Variants in SYNE1 observed in about 807,000 individuals in gnomAD.
SYNE1 encodes spectrin repeat containing nuclear envelope protein 1.
Under a neutral mutation model 1,111.0 loss-of-function variants are expected in SYNE1, and 616 were observed. The observed-to-expected ratio is 0.55, with a 90% CI of 0.52 to 0.59. The LOEUF is 0.59. SYNE1 is among the 20% of genes least tolerant of loss of function. SYNE1 has a pLI of 0.00. For synonymous variants in SYNE1, 3,855 were observed against 3,825.8 expected (o/e 1.01, Z -0.28); for missense variants, 10,006 against 10,417.0 (o/e 0.96, Z 1.72).
intron 126 of SYNE1, among the ~76,000 whole-genome samples, chr6:152,203,445 C>T (rs565604698): frequency 8.6e-4 from 131 of 152,288 alleles, no homozygotes; most frequent in Non-Finnish European, 2.8e-4. Context: ...CTGCTCCCCA[C>T]TCATCTCCCC....
chr6:152,635,074 G>A (rs192596635), intron 2 of SYNE1, among the ~76,000 whole-genome samples: 10 of 152,356 alleles, frequency 6.6e-5, no homozygotes, highest in African/African-American at 1.9e-4. Flanking sequence ...GTGCAGCATA[G>A]TTATCAGAAA....
intron 67 of SYNE1, 107 bp downstream of exon 67, chr6:152,354,552 T>G (rs2096800663): frequency 7.5e-7 from 1 of 1,336,176 alleles, no homozygotes; most frequent in Non-Finnish European, 1.1e-6. Context: ...TCAAAAAGAT[T>G]TTGCAAAGCC....
At chr6:152,209,756 G>GA (rs112146398) in intron 124 of SYNE1, among the ~76,000 whole-genome samples, 1,603 of 130,200 alleles carry the variant, frequency 0.012, 18 homozygotes, top group Non-Finnish European at 0.018. Context: ...TCTCAAAAAA[G>GA]AAAAAAAAAA....
At chr6:152,424,778 A>ATTT (rs2098326296) in intron 39 of SYNE1, among the ~76,000 whole-genome samples, 8 of 152,242 alleles carry the variant, frequency 5.3e-5, no homozygotes, top group Non-Finnish European at 1.0e-4. Flanking sequence ...AAAGTCAATA[A>ATTT]ATATTTGCTG....
intron 3 of SYNE1, among the ~76,000 whole-genome samples, chr6:152,619,668 G>T (rs186235571): frequency 1.1e-3 from 160 of 152,234 alleles, no homozygotes; most frequent in Middle Eastern, 3.4e-3. Context: ...AATGTCAAGG[G>T]GTGAAAGTGG....
rs1284361257 is a variant in SYNE1, at chr6:152,302,071, A to G, written c.17347-8T>C. ...AATTTTCTGCGCCAGCTCCTGAGGA[A>G]ACATTTCCCCCACCGGGGTGTCAGA... On this transcript the variant is annotated splice_region_variant and splice_polypyrimidine_tract_variant and intron_variant, in intron 91 of 145. Transcript: ENST00000367255. 1.2e-6 allele frequency: 2 copies of G among 1,614,102 alleles called. No individual in the cohort carries two copies. The highest frequency in any genetic ancestry group is 2.2e-5 in the East Asian group (1 of 44,896).
In SYNE1 at chr6:152,125,397, T is replaced by C. The variant is rs755552760; in HGVS notation, c.26154-2721A>G. The C allele has an allele frequency of 2.0e-6, 3 of 1,527,436 alleles. No homozygotes were observed. In the African/African-American group the frequency reaches 4.1e-5, roughly 21 times the overall value. 94.6% of individuals were successfully genotyped at this position (1,527,436 alleles called of 1,614,324 possible). ...AGTATCCTGCAGATCATCAAATCCGTGTGTGGACGTGGGGACATTTTGTTT... is the reference window on the plus strand; with the variant it reads ...AGTATCCTGCAGATCATCAAATCCGCGTGTGGACGTGGGGACATTTTGTTT... On this transcript the variant is annotated intron_variant, in intron 145 of 145. Coordinates refer to ENST00000367255, the MANE Select transcript of SYNE1 (RefSeq NM_182961.4).
Position 152,390,318 on chromosome 6 carries a change from C to T in SYNE1, c.8139G>A (p.Val2713=). The change falls in exon 53 of 146, where the codon GTG becomes GTA. Residue 2713 remains valine, a synonymous_variant. Coordinates refer to ENST00000367255, the MANE Select transcript of SYNE1 (RefSeq NM_182961.4). ...IQTQLETLKE[V]WADIMSSSVH... is the part of the protein sequence containing the mutation. The stretch of plus-strand genomic sequence containing the variant: ...CGGAGGAGCTCATGATGTCAGCCCA[C>T]ACTTCTTTAAGGGTCTCTAACTGAG... 3 of 1,614,114 alleles carry T rather than the reference C, an allele frequency of 1.9e-6. No homozygotes were observed. The highest frequency in any genetic ancestry group is 2.7e-5 in the African/African-American group (2 of 75,032).
rs780451939 is a variant in SYNE1, at chr6:152,430,577, A to G, written c.4594T>C (p.Tyr1532His). ...IKAKLTQIRR[Y>H]GEELREHAQC... ...GCATGCTCTCGAAGCTCTTCCCCGTATCTTCTTATTTGTGTCAACTTGGCT... is the reference window on the plus strand; with the variant it reads ...GCATGCTCTCGAAGCTCTTCCCCGTGTCTTCTTATTTGTGTCAACTTGGCT... Residue 1532 changes from tyrosine (Y) to histidine (H), a missense_variant, in exon 35 of 146, where the codon TAC (tyrosine) becomes CAC (histidine). Around this residue, in one of 7 missense-constraint regions of SYNE1, gnomAD observed 1,971 missense variants for 2,084.1 expected, o/e 0.95. Coordinates refer to ENST00000367255, the MANE Select transcript of SYNE1 (RefSeq NM_182961.4). 5.6e-6 allele frequency: 9 copies of G among 1,614,098 alleles called. No homozygotes were observed. The highest frequency in any genetic ancestry group is 7.6e-6 in the Non-Finnish European group (9 of 1,180,006).
At chr6:152,336,739 TGACA>T in intron 76 of SYNE1, 98 bp downstream of exon 76, 1 of 1,417,172 alleles carries the variant, frequency 7.1e-7, no homozygotes, top group South Asian at 1.2e-5. Context: ...GTCTAAGGAT[TGACA>T]GACACTCAGG....
At chr6:152,287,812 G>T (rs2094412303) in intron 95 of SYNE1, among the ~76,000 whole-genome samples, 2 of 152,132 alleles carry the variant, frequency 1.3e-5, no homozygotes, top group South Asian at 4.1e-4. Flanking sequence ...CTCCCAAAGT[G>T]CTGGGATTAC....
chr6:152,499,823 T>C (rs893746940), intron 10 of SYNE1, among the ~76,000 whole-genome samples: 2 of 152,200 alleles, frequency 1.3e-5, no homozygotes, highest in Non-Finnish European at 2.9e-5. Context: ...ATATGCATCC[T>C]CTTTTTAGGA....
intron 3 of SYNE1, among the ~76,000 whole-genome samples, chr6:152,625,280 T>A (rs1222959849): frequency 1.3e-5 from 2 of 152,188 alleles, no homozygotes; most frequent in Non-Finnish European, 2.9e-5. Flanking sequence ...CTGTGGAGAT[T>A]GGCCCCTCTT....
At chr6:152,141,107 A>G in intron 139 of SYNE1, 96 bp downstream of exon 139, 1 of 1,547,510 alleles carries the variant, frequency 6.5e-7, no homozygotes. Context: ...AACGGTGTAG[A>G]AGAAGGCCAA....
chr6:152,450,071 A>G (rs533205676), intron 27 of SYNE1, among the ~76,000 whole-genome samples: 7 of 152,286 alleles, frequency 4.6e-5, no homozygotes, highest in Admixed American at 2.6e-4. Flanking sequence ...CCCACATGTC[A>G]TGAGAGGGAC....
intron 3 of SYNE1, among the ~76,000 whole-genome samples, chr6:152,607,247 G>C (rs573290916): frequency 6.6e-6 from 1 of 151,924 alleles, no homozygotes; most frequent in Non-Finnish European, 1.5e-5. Flanking sequence ...GCCTCCCAAA[G>C]TGCTGGGATT....
chr6:152,234,892 C>A, intron 110 of SYNE1, 92 bp from the exon 111 acceptor site: 2 of 1,430,294 alleles, frequency 1.4e-6, no homozygotes, highest in Non-Finnish European at 1.9e-6. Context: ...AGTTTTAAAA[C>A]GAGAGGTCTG....
intron 95 of SYNE1, among the ~76,000 whole-genome samples, chr6:152,287,948 T>C (rs1215648023): frequency 6.6e-6 from 1 of 152,226 alleles, no homozygotes; most frequent in African/African-American, 2.4e-5. Flanking sequence ...TTGTTTATTA[T>C]ATATGCAAAG....
chr6:152,247,579 G>T (rs1204008975), intron 105 of SYNE1, among the ~76,000 whole-genome samples: 1 of 151,448 alleles, frequency 6.6e-6, no homozygotes, highest in African/African-American at 2.4e-5. Context: ...CAAGAAAAAT[G>T]CACAGCCGGA....
Sources: gnomAD v4.1 joint callset for allele counts (sites outside exome capture counted in the v4.1 genomes callset) on GRCh38, gnomAD v4.1.1 for gene constraint, gnomAD v4.1.1 regional missense constraint, MANE v1.5 for transcripts, NCBI Gene and HGNC (gene_info 2026-07-23, HGNC 2026-07-21) for gene names.